MTA2: variants seen among roughly 807,000 people sequenced by gnomAD.
The protein encoded by MTA2 is metastasis associated 1 family member 2.
Under a neutral mutation model 87.1 loss-of-function variants are expected in MTA2, and 22 were observed. That is an observed-to-expected ratio of 0.25 (90% confidence interval 0.18 to 0.36). The LOEUF is 0.36. MTA2 is among the 10% of genes least tolerant of loss of function. The probability of loss-of-function intolerance (pLI) is 1.00; values close to 1 mark genes in which losing one functional copy is unlikely to be tolerated. For missense variants in MTA2, 542 were observed against 853.2 expected, an observed-to-expected ratio of 0.64 and a Z score of 4.54; for synonymous variants, 314 against 310.1, an observed-to-expected ratio of 1.01 and a Z score of -0.13.
chr11:62,600,941 C>T, intron 1 of MTA2: 7 of 514,944 alleles, frequency 1.4e-5, no homozygotes, highest in Non-Finnish European at 2.1e-5. Context: ...AGCAGGGGTT[C>T]CCCTGCAGTC....
At position 62,600,682 on chromosome 11, in the gene MTA2, G is replaced by C; in HGVS notation, c.36C>G (p.Val12=). 2 of 1,613,786 alleles carry C rather than the reference G, an allele frequency of 1.2e-6. No individual in the cohort carries two copies. The highest frequency in any genetic ancestry group is 4.5e-5 in the East Asian group (2 of 44,874). ...GATTGCTGGAAGAGTTCTCAAAATA[G>C]ACGTAATCTGTAAGGGAAGGGAGGG... ...AANMYRVGDY[V]YFENSSSNPY... is the part of the protein sequence containing the mutation. The change falls in exon 2 of 18, where the codon GTC becomes GTG. Residue 12 remains valine (V), a synonymous_variant. Transcript: ENST00000278823.
rs1332172407 is a variant in MTA2, at chr11:62,595,659, AC to A, written c.1254+92del. ...CAAGCACCCCGTCCATCAAACCATC[AC>A]CATATAAAGAGTTGAATATTCTGGC... On this transcript the variant is annotated intron_variant, in intron 13 of 17. Transcript: ENST00000278823. This position sits in a 1 kb window ranked among gnomAD's most constrained non-coding sequence, Gnocchi z 4.9. 4 of 1,561,284 alleles carry A rather than the reference AC, an allele frequency of 2.6e-6. No homozygotes were observed. Among genetic ancestry groups the A allele is most frequent in the Non-Finnish European group, 3.5e-6 (4 of 1,148,128 alleles).
chr11:62,599,992 C>A (rs570983279), intron 3 of MTA2, among the ~76,000 whole-genome samples, 174 bp downstream of exon 3: 1 of 152,306 alleles, frequency 6.6e-6, no homozygotes, highest in South Asian at 2.1e-4. Context: ...ACAATCTCTC[C>A]ACCCTGCTTC....
At chr11:62,598,498 A>G in intron 4 of MTA2, 24 bp downstream of exon 4, 1 of 1,611,260 alleles carries the variant, frequency 6.2e-7, no homozygotes, top group African/African-American at 1.3e-5. Context: ...CACGCAGGCT[A>G]TGCTGGCCCC....
chr11:62,595,536 T>G lies in MTA2; in HGVS notation c.1255-44A>C, dbSNP rs1303239078. On this transcript the variant is annotated intron_variant, in intron 13 of 17. Coordinates refer to ENST00000278823, the MANE Select transcript of MTA2 (RefSeq NM_004739.4). The surrounding 1 kb of genome is among the most constrained non-coding windows in gnomAD (Gnocchi z 4.9). ...AAAGAGAGAGAGCAGAAATCAGCAC[T>G]GAGGCTCCCTTCTTTCTTCCATTCC... 6.3e-7 allele frequency: 1 copy of G among 1,598,762 alleles called. No homozygotes were observed. Among genetic ancestry groups the G allele is most frequent in the South Asian group, 1.1e-5 (1 of 90,622 alleles).
In MTA2 at chr11:62,598,574, G is replaced by T; in HGVS notation, c.256C>A (p.Arg86=). The T allele has an allele frequency of 1.9e-6, 3 of 1,614,038 alleles. No homozygotes were observed. The highest frequency in any genetic ancestry group is 2.5e-6 in the Non-Finnish European group (3 of 1,180,018). ...AATTGCCGAGAAAGAAAAAGTTCCCGGTGCTTCAGTTGATGGCGCTGCTGC... is the reference window on the plus strand; with the variant it reads ...AATTGCCGAGAAAGAAAAAGTTCCCTGTGCTTCAGTTGATGGCGCTGCTGC... ...SEQQRHQLKH[R]ELFLSRQFES... is the part of the protein sequence containing the mutation. The change falls in exon 4 of 18, where the codon CGG becomes AGG. Residue 86 remains arginine, a synonymous_variant. Coordinates refer to ENST00000278823, the MANE Select transcript of MTA2 (RefSeq NM_004739.4).
chr11:62,596,790 G>A lies in MTA2; in HGVS notation c.729C>T (p.Tyr243=), dbSNP rs75425739. Residue 243 remains tyrosine, a synonymous_variant, in exon 9 of 18, where the codon TAC becomes TAT. Transcript: ENST00000278823. ...GGGTCGACATGGCCTTAGCCAGGTCGTAGCCGTTCCTTTGCAAGGTATCCA... is the reference window on the plus strand; with the variant it reads ...GGGTCGACATGGCCTTAGCCAGGTCATAGCCGTTCCTTTGCAAGGTATCCA... ...HAMDTLQRNG[Y]DLAKAMSTLV... is the part of the protein sequence containing the mutation. 48 of 1,608,746 alleles carry A rather than the reference G, an allele frequency of 3.0e-5. No homozygotes were observed. The African/African-American group carries it at 4.0e-4, about 13-fold the overall frequency.
At chr11:62,598,468 C>T (rs867102695) in intron 4 of MTA2, 54 bp downstream of exon 4, 49 of 1,607,124 alleles carry the variant, frequency 3.0e-5, no homozygotes, top group Middle Eastern at 1.6e-4. Context: ...ACCTCCTTCT[C>T]TCCATCTTCT....
rs916851471 is a variant in MTA2 at position 62,593,698 on chromosome 11, G to A, written c.*177C>T. The A allele has an allele frequency of 1.4e-6, 1 of 705,164 alleles. No individual in the cohort carries two copies. Among genetic ancestry groups the A allele is most frequent in the African/African-American group, 1.8e-5 (1 of 55,446 alleles). 43.7% of individuals were successfully genotyped at this position (705,164 alleles called of 1,614,324 possible). A position where few individuals can be genotyped will look rare whatever the true frequency, so the allele number is the denominator to read the frequency against. On this transcript the variant is annotated 3_prime_UTR_variant, in exon 18 of 18. Coordinates refer to ENST00000278823, the MANE Select transcript of MTA2 (RefSeq NM_004739.4). ...CCTCCATCGGCAAGCATGGAGGCAT[G>A]AGACAAGTCTCGAGGTGGTAACACC...
chr11:62,598,194 G>C (rs200438556), intron 5 of MTA2, 53 bp from the exon 6 acceptor site: 5 of 1,577,754 alleles, frequency 3.2e-6, no homozygotes, highest in Non-Finnish European at 4.4e-6. Flanking sequence ...ATAGGCGGCG[G>C]GGAGGGAGGT....
chr11:62,595,677 T>C lies in MTA2; in HGVS notation c.1254+75A>G. ...AACCATCACCATATAAAGAGTTGAA[T>C]ATTCTGGCCTTCACCTAAGCTCACC... On this transcript the variant is annotated intron_variant, in intron 13 of 17. Coordinates refer to ENST00000278823, the MANE Select transcript of MTA2 (RefSeq NM_004739.4). This position sits in a 1 kb window ranked among gnomAD's most constrained non-coding sequence, Gnocchi z 4.9. 6.3e-7 allele frequency: 1 copy of C among 1,582,484 alleles called. No individual in the cohort carries two copies. The highest frequency in any genetic ancestry group is 8.6e-7 in the Non-Finnish European group (1 of 1,161,998).
At chr11:62,598,737 GTTTT>G in intron 3 of MTA2, 98 bp from the exon 4 acceptor site, 1 of 1,142,268 alleles carries the variant, frequency 8.8e-7, no homozygotes, top group Non-Finnish European at 1.3e-6. Context: ...TATCTTGGCT[GTTTT>G]TTTCTCACAT....
At position 62,598,399 on chromosome 11, in the gene MTA2, G is replaced by A. The variant is rs1362480066; in HGVS notation, c.309-9C>T. The A allele has an allele frequency of 6.2e-7, 1 of 1,613,884 alleles. No individual in the cohort carries two copies. Among genetic ancestry groups the A allele is most frequent in the Non-Finnish European group, 8.5e-7 (1 of 1,179,950 alleles). On this transcript the variant is annotated splice_polypyrimidine_tract_variant and intron_variant, in intron 4 of 17. Transcript: ENST00000278823. ...TCACACTGCATTTCCCCCTATAGGA[G>A]AGAGATTGGAAAACCCCGGTGAGCC...
At position 62,596,121 on chromosome 11, in the gene MTA2, C is replaced by T. The variant is rs371448643; in HGVS notation, c.1017-14G>A. ...TTTGGCTTAGTGCTAACGGGGAAGGCGAGGAGAAGGGAAAAAAACAAGAAA... is the reference window on the plus strand; with the variant it reads ...TTTGGCTTAGTGCTAACGGGGAAGGTGAGGAGAAGGGAAAAAAACAAGAAA... On this transcript the variant is annotated splice_polypyrimidine_tract_variant and intron_variant, in intron 11 of 17. Transcript: ENST00000278823. 183 of 1,613,202 alleles carry T rather than the reference C, an allele frequency of 1.1e-4. No homozygotes were observed. The highest frequency in any genetic ancestry group is 1.1e-3 in the East Asian group (48 of 44,888).
intron 8 of MTA2, among the ~76,000 whole-genome samples, 169 bp downstream of exon 8, chr11:62,597,147 C>T (rs1942110136): frequency 6.6e-6 from 1 of 151,794 alleles, no homozygotes; most frequent in South Asian, 2.1e-4. Flanking sequence ...TGAGATTGCG[C>T]CACTGCACTC....
In MTA2 at chr11:62,595,721, C is replaced by T. The variant is rs371491988; in HGVS notation, c.1254+31G>A. The T allele has an allele frequency of 5.6e-5, 90 of 1,612,114 alleles. No individual in the cohort carries two copies. The highest frequency in any genetic ancestry group is 1.3e-5 in the Non-Finnish European group (15 of 1,178,866). On this transcript the variant is annotated intron_variant, in intron 13 of 17. Coordinates refer to ENST00000278823, the MANE Select transcript of MTA2 (RefSeq NM_004739.4). This position sits in a 1 kb window ranked among gnomAD's most constrained non-coding sequence, Gnocchi z 4.9. Reference sequence around the variant, plus strand: ...GCTCACCATCAATATGCTTACTGCTCTCCCCTGCTTTTCTTCCCACTGATC... The same window carrying T: ...GCTCACCATCAATATGCTTACTGCTTTCCCCTGCTTTTCTTCCCACTGATC...
rs113087332 is a variant in MTA2, at chr11:62,598,253, T to A, written c.372+74A>T. On this transcript the variant is annotated intron_variant, in intron 5 of 17. Transcript: ENST00000278823. The stretch of plus-strand genomic sequence containing the variant: ...AGTCTGGCAACCCTGTACCTCATCA[T>A]TGTGCTCCTTTCCCCCTCTCTTTTG... 4.0e-5 allele frequency: 62 copies of A among 1,568,234 alleles called. 4 individuals carry two copies. In the African/African-American group the frequency reaches 4.5e-4, roughly 11 times the overall value.
At chr11:62,598,470 C>T in intron 4 of MTA2, 52 bp downstream of exon 4, 3 of 1,607,376 alleles carry the variant, frequency 1.9e-6, no homozygotes, top group Non-Finnish European at 2.6e-6. Context: ...CTCCTTCTCT[C>T]CATCTTCTAC....
At position 62,594,036 on chromosome 11, in the gene MTA2, G is replaced by T. The variant is rs1008868253; in HGVS notation, c.1846C>A (p.Leu616Ile). The T allele has an allele frequency of 6.2e-7, 1 of 1,600,534 alleles. No individual in the cohort carries two copies. The highest frequency in any genetic ancestry group is 1.3e-5 in the African/African-American group (1 of 74,670). ...VFVATKDTRALRKALTHLEMR... is the reference protein window; with the variant it reads ...VFVATKDTRAIRKALTHLEMR... ...TCCAGATGGGTCAGAGCCTTCCGTAGGGCCCTGGCCAGAAAGAGCAAGTGG... is the reference window on the plus strand; with the variant it reads ...TCCAGATGGGTCAGAGCCTTCCGTATGGCCCTGGCCAGAAAGAGCAAGTGG... The change falls in exon 18 of 18, where the codon CTA becomes ATA. Residue 616 changes from leucine (L) to isoleucine (I), a missense_variant. Leu to Ile is a conservative substitution (Grantham distance 5). Around this residue, in one of 6 missense-constraint regions of MTA2, gnomAD observed 269 missense variants for 346.4 expected, o/e 0.78. Transcript: ENST00000278823.
Sources: gnomAD v4.1 joint callset for allele counts (sites outside exome capture counted in the v4.1 genomes callset) on GRCh38, gnomAD v4.1.1 for gene constraint, gnomAD v4.1.1 regional missense constraint, Gnocchi (gnomAD v3.1) non-coding constraint, MANE v1.5 for transcripts, NCBI Gene and HGNC (gene_info 2026-07-23, HGNC 2026-07-21) for gene names.